DOCK4: variants seen among roughly 807,000 people sequenced by gnomAD.
The protein encoded by DOCK4 is dedicator of cytokinesis protein 4.
DOCK4 carries 97 observed loss-of-function variants against 268.1 expected under a neutral mutation model. The observed-to-expected ratio is 0.36, with a 90% confidence interval of 0.31 to 0.43. The LOEUF is 0.43. Ranked by LOEUF, DOCK4 falls within the 20% of genes least tolerant of loss-of-function variation. The probability of loss-of-function intolerance (pLI) is 1.00; values close to 1 mark genes in which losing one functional copy is unlikely to be tolerated. For synonymous variants in DOCK4, 954 were observed against 887.2 expected (o/e 1.08, Z -1.34); for missense variants, 2,145 against 2,455.7 (o/e 0.87, Z 2.67).
chr7:111,988,999 G>A lies in DOCK4; in HGVS notation c.464+16C>T, dbSNP rs71561755. ...GTTCACCTACTAGAGGCCGCCCTGT[G>A]ATGCTCAATACTCACTCATTGCCCC... On this transcript the variant is annotated intron_variant, in intron 6 of 52. Transcript: ENST00000428084. 0.046 allele frequency: 74,331 copies of A among 1,601,460 alleles called. 2,014 individuals are homozygous for A. The highest frequency in any genetic ancestry group is 0.053 in the Non-Finnish European group (62,658 of 1,173,558).
intron 1 of DOCK4, among the ~76,000 whole-genome samples, chr7:112,099,940 A>C (rs1033953231): frequency 1.1e-4 from 16 of 152,240 alleles, no homozygotes; most frequent in South Asian, 8.3e-4. Context: ...CAAATTAAAC[A>C]CTGATAAATA....
At chr7:111,998,605 G>T in intron 3 of DOCK4, 102 bp from the exon 4 acceptor site, 1 of 743,578 alleles carries the variant, frequency 1.3e-6, no homozygotes, top group Non-Finnish European at 2.0e-6. Context: ...GACAACATCA[G>T]GAATAGGGAA....
chr7:112,067,735 C>G (rs1157798654), intron 1 of DOCK4, among the ~76,000 whole-genome samples: 1 of 152,082 alleles, frequency 6.6e-6, no homozygotes, highest in Non-Finnish European at 1.5e-5. Context: ...GGAAAGCTCC[C>G]CAGGGCAGGA....
At position 112,024,951 on chromosome 7, in the gene DOCK4, C is replaced by T. The variant is rs111329137; in HGVS notation, c.38-20820G>A. 8.3e-4 allele frequency among the ~76,000 whole-genome samples: 127 copies of T among 152,298 alleles called. 1 individual carries two copies. Among genetic ancestry groups the T allele is most frequent in the African/African-American group, 3.0e-3 (123 of 41,556 alleles). On this transcript the variant is annotated intron_variant, in intron 1 of 52. Coordinates refer to ENST00000428084, the MANE Select transcript of DOCK4 (RefSeq NM_001363540.2). ...TACAGAACTTCACAGGAAAGGACAA[C>T]TTCTTTCTCATTATTTCATGCTACT...
chr7:111,984,470 C>A (rs757483373), intron 6 of DOCK4, 80 bp from the exon 7 acceptor site: 106 of 1,225,042 alleles, frequency 8.7e-5, no homozygotes, highest in Non-Finnish European at 1.2e-4. Context: ...TTTACTATAT[C>A]ACTTGGAAAT....
In DOCK4 at chr7:111,728,436, G is replaced by T. The variant is rs568307094; in HGVS notation, c.5766C>A (p.Pro1922=). 5 of 1,593,114 alleles carry T rather than the reference G, an allele frequency of 3.1e-6. No homozygotes were observed. The highest frequency in any genetic ancestry group is 1.1e-5 in the South Asian group (1 of 88,094). Residue 1922 remains proline, a synonymous_variant, in exon 53 of 53, where the codon CCC becomes CCA. Coordinates refer to ENST00000428084, the MANE Select transcript of DOCK4 (RefSeq NM_001363540.2). ...TGGAGAGGCTGTGAGGTAGCGGGACGGGGCGCCGCAGAGTCCGCTCGTAGA... is the reference window on the plus strand; with the variant it reads ...TGGAGAGGCTGTGAGGTAGCGGGACTGGGCGCCGCAGAGTCCGCTCGTAGA... ...YSVYERTLRR[P]VPLPHSLSIP...
At chr7:111,851,914 C>T (rs898658481) in intron 23 of DOCK4, among the ~76,000 whole-genome samples, 1 of 150,564 alleles carries the variant, frequency 6.6e-6, no homozygotes, top group Non-Finnish European at 1.5e-5. Context: ...GCAAATAAAG[C>T]ATCCACAACT....
chr7:111,972,611 G>A (rs761227988), intron 8 of DOCK4, among the ~76,000 whole-genome samples: 4 of 152,012 alleles, frequency 2.6e-5, no homozygotes, highest in Non-Finnish European at 5.9e-5. Context: ...CCTGGACAAG[G>A]TAACGTTCTG....
intron 16 of DOCK4, among the ~76,000 whole-genome samples, chr7:111,878,391 T>C (rs1309291137): frequency 1.3e-5 from 2 of 152,156 alleles, no homozygotes; most frequent in South Asian, 2.1e-4. Context: ...ACCAAGATGA[T>C]GGAATAGAAG....
intron 13 of DOCK4, among the ~76,000 whole-genome samples, chr7:111,902,295 G>C (rs189338589): frequency 6.6e-6 from 1 of 152,298 alleles, no homozygotes; most frequent in East Asian, 1.9e-4. Flanking sequence ...ACTGCTGGAA[G>C]AATCCAGATT....
At chr7:112,155,111 A>G (rs1390855774) in intron 1 of DOCK4, among the ~76,000 whole-genome samples, 3 of 152,204 alleles carry the variant, frequency 2.0e-5, no homozygotes, top group Admixed American at 6.5e-5. Context: ...AAACTCAGAG[A>G]GGTTAAATGG....
intron 12 of DOCK4, among the ~76,000 whole-genome samples, chr7:111,920,094 T>G (rs1319940463): frequency 3.3e-5 from 5 of 151,538 alleles, no homozygotes; most frequent in Non-Finnish European, 5.9e-5. Context: ...AAGCAGAGAG[T>G]GGAATGATGG....
intron 23 of DOCK4, among the ~76,000 whole-genome samples, chr7:111,850,552 G>A (rs1361137837): frequency 2.0e-5 from 3 of 152,076 alleles, no homozygotes; most frequent in African/African-American, 7.2e-5. Flanking sequence ...TATATAAACA[G>A]ATGGCCTGAA....
At chr7:111,913,940 T>C (rs1196536199) in intron 13 of DOCK4, among the ~76,000 whole-genome samples, 1 of 152,130 alleles carries the variant, frequency 6.6e-6, no homozygotes, top group African/African-American at 2.4e-5. Context: ...TACAGCCATG[T>C]TGGCTATGAC....
At position 111,868,721 on chromosome 7, in the gene DOCK4, TA is replaced by T. The variant is rs1252654392; in HGVS notation, c.2110-568del. ...GCAAAATTCCGTCTAAAAAAAAAATTAAAAAAAAAAAAATTTTATCATTCTG... is the reference window on the plus strand; with the variant it reads ...GCAAAATTCCGTCTAAAAAAAAAATTAAAAAAAAAAAATTTTATCATTCTG... On this transcript the variant is annotated intron_variant, in intron 21 of 52. Transcript: ENST00000428084. 1.5e-3 allele frequency among the ~76,000 whole-genome samples: 224 copies of T among 148,276 alleles called. 2 individuals carry two copies. In the South Asian group the frequency reaches 0.017, roughly 11 times the overall value.
intron 10 of DOCK4, among the ~76,000 whole-genome samples, chr7:111,940,924 G>A (rs948654698): frequency 4.6e-5 from 7 of 152,128 alleles, no homozygotes; most frequent in African/African-American, 1.7e-4. Flanking sequence ...GTTAATGTGG[G>A]AAAAAATGAT....
intron 49 of DOCK4, 97 bp from the exon 50 acceptor site, chr7:111,737,086 T>C: frequency 9.2e-7 from 1 of 1,081,924 alleles, no homozygotes. Flanking sequence ...AAACTTTTTG[T>C]TCAAAATAAT....
chr7:111,991,195 G>C (rs1271103745), intron 5 of DOCK4, among the ~76,000 whole-genome samples: 1 of 152,180 alleles, frequency 6.6e-6, no homozygotes, highest in Non-Finnish European at 1.5e-5. Flanking sequence ...AATAAGAAAA[G>C]GTTGCAGGAT....
chr7:112,090,381 TA>T (rs1173209045), intron 1 of DOCK4, among the ~76,000 whole-genome samples: 2 of 152,194 alleles, frequency 1.3e-5, no homozygotes, highest in Non-Finnish European at 2.9e-5. Flanking sequence ...TTTTGAGATA[TA>T]AACATATTTT....
Sources: gnomAD v4.1 joint callset for allele counts (sites outside exome capture counted in the v4.1 genomes callset) on GRCh38, gnomAD v4.1.1 for gene constraint, MANE v1.5 for transcripts, NCBI Gene and HGNC (gene_info 2026-07-23, HGNC 2026-07-21) for gene names.